The following SGCG variants were observed in gnomAD, a reference collection of about 807,000 sequenced individuals.
The protein encoded by SGCG is gamma-sarcoglycan.
Under a neutral mutation model 29.3 loss-of-function variants are expected in SGCG, and 26 were observed. The observed-to-expected ratio is 0.89, with a 90% CI of 0.65 to 1.23. The LOEUF is 1.23. Ranked by LOEUF, SGCG falls within the 50% of genes most tolerant of loss-of-function variation. The probability of loss-of-function intolerance (pLI) is 0.00; values close to 1 mark genes in which losing one functional copy is unlikely to be tolerated. For missense variants in SGCG, 353 were observed against 356.0 expected, an observed-to-expected ratio of 0.99 and a Z score of 0.07; for synonymous variants, 145 against 129.7, an observed-to-expected ratio of 1.12 and a Z score of -0.80.
At chr13:23,250,300 G>A (rs900062119) in intron 3 of SGCG, among the ~76,000 whole-genome samples, 29 of 152,188 alleles carry the variant, frequency 1.9e-4, no homozygotes, top group African/African-American at 7.0e-4. Context: ...GAACCCCACT[G>A]TTGTAGGTGT....
intron 4 of SGCG, among the ~76,000 whole-genome samples, chr13:23,264,190 C>A (rs968864723): frequency 7.2e-4 from 109 of 152,048 alleles, no homozygotes; most frequent in African/African-American, 2.6e-3. Flanking sequence ...CCTACACACT[C>A]CTCCAGAAGA....
At chr13:23,270,169 G>A (rs762608957) in intron 4 of SGCG, among the ~76,000 whole-genome samples, 1 of 152,082 alleles carries the variant, frequency 6.6e-6, no homozygotes, top group African/African-American at 2.4e-5. Context: ...CCACGTGCCC[G>A]GCTGTATTTT....
chr13:23,163,291 T>C, the SGCG span, among the ~76,000 whole-genome samples: 2 of 152,186 alleles, frequency 1.3e-5, no homozygotes, highest in Admixed American at 6.5e-5. Context: ...GAGGGAAATA[T>C]TTATGCCGGA....
chr13:23,214,292 C>T (rs1384003729), intron 2 of SGCG, among the ~76,000 whole-genome samples: 1 of 152,210 alleles, frequency 6.6e-6, no homozygotes, highest in Admixed American at 6.5e-5. Context: ...TAATTTGAGA[C>T]TGAGCTCCCA....
intron 3 of SGCG, among the ~76,000 whole-genome samples, chr13:23,239,859 A>T (rs1879442270): frequency 6.6e-6 from 1 of 152,204 alleles, no homozygotes; most frequent in Admixed American, 6.5e-5. Flanking sequence ...TAAAAATGAA[A>T]TGATAAATAA....
chr13:23,269,335 A>C (rs981192241), intron 4 of SGCG, among the ~76,000 whole-genome samples: 16 of 152,190 alleles, frequency 1.1e-4, no homozygotes, highest in African/African-American at 3.9e-4. Flanking sequence ...AGGATAACAC[A>C]GTGGCTATTT....
At chr13:23,256,477 C>T (rs1399086248) in intron 4 of SGCG, among the ~76,000 whole-genome samples, 1 of 152,088 alleles carries the variant, frequency 6.6e-6, no homozygotes, top group Non-Finnish European at 1.5e-5. Context: ...TTGCTGCACC[C>T]ATTAACTCGT....
At chr13:23,189,875 C>T (rs520367) in intron 1 of SGCG, among the ~76,000 whole-genome samples, 41,626 of 151,998 alleles carry the variant, frequency 0.27, 5,929 homozygotes, top group African/African-American at 0.33. Flanking sequence ...CTCCTTCACC[C>T]CCCTGCCCGC....
intron 6 of SGCG, among the ~76,000 whole-genome samples, chr13:23,298,815 T>C (rs1263596050): frequency 6.6e-6 from 1 of 152,212 alleles, no homozygotes; most frequent in Non-Finnish European, 1.5e-5. Flanking sequence ...TCACTGTATA[T>C]ACGGCAGGCT....
chr13:23,291,044 T>A (rs1385004309), intron 5 of SGCG, among the ~76,000 whole-genome samples: 2 of 152,194 alleles, frequency 1.3e-5, no homozygotes, highest in African/African-American at 4.8e-5. Flanking sequence ...ATTCATCATA[T>A]AATGCTCTAG....
intron 6 of SGCG, among the ~76,000 whole-genome samples, chr13:23,313,287 C>T (rs965416924): frequency 6.6e-6 from 1 of 152,034 alleles, no homozygotes; most frequent in Non-Finnish European, 1.5e-5. Context: ...GCCTCAGCCT[C>T]CCAGGTAGCT....
At chr13:23,322,139 C>T (rs1883061619) in intron 7 of SGCG, among the ~76,000 whole-genome samples, 1 of 152,202 alleles carries the variant, frequency 6.6e-6, no homozygotes, top group Admixed American at 6.5e-5. Flanking sequence ...CAAGAATTGT[C>T]TTGTACATAG....
At chr13:23,285,632 G>A (rs2137627927) in intron 5 of SGCG, among the ~76,000 whole-genome samples, 1 of 152,250 alleles carries the variant, frequency 6.6e-6, no homozygotes, top group African/African-American at 2.4e-5. Flanking sequence ...CTGTCTTGCT[G>A]GCATTCCAGG....
intron 2 of SGCG, among the ~76,000 whole-genome samples, chr13:23,227,823 T>C (rs1035734457): frequency 1.3e-5 from 2 of 152,102 alleles, no homozygotes; most frequent in African/African-American, 4.8e-5. Context: ...TTATTTATTA[T>C]TATTCGAGAC....
intron 6 of SGCG, among the ~76,000 whole-genome samples, chr13:23,306,901 T>C (rs1374676480): frequency 2.0e-5 from 3 of 152,244 alleles, no homozygotes; most frequent in East Asian, 3.8e-4. Flanking sequence ...TGATGACATC[T>C]TGGGCTCCTG....
chr13:23,187,369 C>T (rs928205939), intron 1 of SGCG, among the ~76,000 whole-genome samples: 5 of 152,226 alleles, frequency 3.3e-5, no homozygotes, highest in Non-Finnish European at 7.3e-5. Context: ...CCACCCAAGC[C>T]ATTCACCACC....
chr13:23,293,128 G>A (rs893321820), intron 5 of SGCG, among the ~76,000 whole-genome samples: 3 of 152,128 alleles, frequency 2.0e-5, no homozygotes, highest in African/African-American at 7.2e-5. Flanking sequence ...CTAACTTTAC[G>A]TAATGATCTC....
intron 6 of SGCG, among the ~76,000 whole-genome samples, chr13:23,316,576 T>A (rs966340464): frequency 2.6e-5 from 4 of 152,166 alleles, no homozygotes; most frequent in Non-Finnish European, 5.9e-5. Context: ...CCGTGTATGC[T>A]CTGAATCAGC....
At chr13:23,239,186 CAA>C (rs1368396256) in intron 3 of SGCG, among the ~76,000 whole-genome samples, 4 of 151,572 alleles carry the variant, frequency 2.6e-5, no homozygotes, top group Non-Finnish European at 5.9e-5. Flanking sequence ...TGCTTAAAAA[CAA>C]GAGAGAAAAA....
Sources: gnomAD v4.1 joint callset for allele counts (sites outside exome capture counted in the v4.1 genomes callset) on GRCh38, gnomAD v4.1.1 for gene constraint, MANE v1.5 for transcripts, NCBI Gene and HGNC (gene_info 2026-07-23, HGNC 2026-07-21) for gene names.